PRKG1: variants seen among roughly 807,000 people sequenced by gnomAD.
PRKG1 encodes the protein protein kinase cGMP-dependent 1, also known as cGMP-dependent protein kinase 1.
A neutral mutation model predicts 88.1 loss-of-function variants in PRKG1; 35 were observed. That is an observed-to-expected ratio of 0.40 (90% confidence interval 0.30 to 0.53). PRKG1 has a LOEUF of 0.53. Ranked by LOEUF, PRKG1 falls within the 20% of genes least tolerant of loss-of-function variation. The pLI is 0.59. For missense variants in PRKG1, 540 were observed against 839.8 expected, an observed-to-expected ratio of 0.64 and a Z score of 4.41; for synonymous variants, 303 against 292.5, an observed-to-expected ratio of 1.04 and a Z score of -0.37.
intron 4 of PRKG1, among the ~76,000 whole-genome samples, chr10:51,900,085 C>T (rs190088903): frequency 7.9e-4 from 120 of 152,206 alleles, no homozygotes; most frequent in African/African-American, 2.7e-3. Flanking sequence ...AATCATTAGC[C>T]CATAGAAACT....
chr10:51,501,253 T>C (rs1841016036), intron 3 of PRKG1, among the ~76,000 whole-genome samples: 1 of 152,182 alleles, frequency 6.6e-6, no homozygotes, highest in Admixed American at 6.6e-5. Flanking sequence ...GAATTATTTC[T>C]AGTCTTTAAA....
intron 2 of PRKG1, among the ~76,000 whole-genome samples, chr10:51,242,103 A>G (rs905614323): frequency 1.3e-5 from 2 of 152,176 alleles, no homozygotes; most frequent in Non-Finnish European, 2.9e-5. Flanking sequence ...TGAGGAAGGC[A>G]AGGGAAGTCG....
At chr10:51,710,901 G>A (rs1402837051) in intron 3 of PRKG1, among the ~76,000 whole-genome samples, 1 of 152,098 alleles carries the variant, frequency 6.6e-6, no homozygotes, top group Non-Finnish European at 1.5e-5. Flanking sequence ...GTCTCCCTAT[G>A]TTAGCCAGGG....
At chr10:51,852,589 G>C (rs1275765955) in intron 4 of PRKG1, among the ~76,000 whole-genome samples, 2 of 152,088 alleles carry the variant, frequency 1.3e-5, no homozygotes, top group Non-Finnish European at 2.9e-5. Context: ...ACTCCAGTCT[G>C]TCTGATCCAA....
At chr10:51,251,068 A>G (rs1839415848) in intron 2 of PRKG1, among the ~76,000 whole-genome samples, 1 of 151,796 alleles carries the variant, frequency 6.6e-6, no homozygotes, top group South Asian at 2.1e-4. Flanking sequence ...AATAAGGGAT[A>G]GTTTTTCTGA....
chr10:51,210,202 C>T (rs1838175880), intron 2 of PRKG1, among the ~76,000 whole-genome samples: 2 of 152,294 alleles, frequency 1.3e-5, no homozygotes, highest in African/African-American at 4.8e-5. Flanking sequence ...GAACAACCTG[C>T]TCCTGAATGA....
chr10:51,746,369 T>TC (rs1350448951), intron 3 of PRKG1, among the ~76,000 whole-genome samples: 11 of 151,788 alleles, frequency 7.2e-5, no homozygotes, highest in African/African-American at 2.4e-4. Context: ...TGGGCCATTC[T>TC]CACCTCTATC....
At chr10:51,975,035 G>T (rs937869660) in intron 5 of PRKG1, among the ~76,000 whole-genome samples, 1 of 152,002 alleles carries the variant, frequency 6.6e-6, no homozygotes, top group African/African-American at 2.4e-5. Flanking sequence ...TATCTGGTAG[G>T]GAGTGGTTTT....
At chr10:51,162,306 A>G (rs1255715104) in intron 2 of PRKG1, among the ~76,000 whole-genome samples, 2 of 151,480 alleles carry the variant, frequency 1.3e-5, no homozygotes, top group Non-Finnish European at 2.9e-5. Flanking sequence ...CCATGTCTCC[A>G]CATTTGAGAA....
intron 5 of PRKG1, among the ~76,000 whole-genome samples, chr10:51,961,355 C>A (rs1843443703): frequency 1.3e-5 from 2 of 151,668 alleles, no homozygotes; most frequent in African/African-American, 4.9e-5. Flanking sequence ...AATGAGGAAC[C>A]TGCAGATGTG....
intron 7 of PRKG1, among the ~76,000 whole-genome samples, chr10:52,105,133 G>A (rs888601978): frequency 1.1e-4 from 17 of 151,760 alleles, no homozygotes; most frequent in African/African-American, 3.4e-4. Flanking sequence ...AGAACTTACC[G>A]AATTTATGTG....
At chr10:52,243,034 A>G (rs1840908967) in intron 9 of PRKG1, among the ~76,000 whole-genome samples, 1 of 152,212 alleles carries the variant, frequency 6.6e-6, no homozygotes, top group Non-Finnish European at 1.5e-5. Flanking sequence ...TAAAGCTGAC[A>G]ATGGGTAGTA....
chr10:51,153,091 G>GT, intron 1 of PRKG1, 73 bp from the exon 2 acceptor site: 2 of 1,384,518 alleles, frequency 1.4e-6, no homozygotes, highest in South Asian at 2.8e-5. Context: ...AGCACTCTAT[G>GT]GCGCTGCTAA....
At chr10:52,271,567 T>TAA (rs1841731459) in intron 11 of PRKG1, 78 bp downstream of exon 11, 1 of 1,514,658 alleles carries the variant, frequency 6.6e-7, no homozygotes, top group African/African-American at 1.4e-5. Flanking sequence ...CCACTTGTGC[T>TAA]CACTGTTAAC....
intron 1 of PRKG1, among the ~76,000 whole-genome samples, chr10:51,050,642 A>G (rs930443465): frequency 5.9e-5 from 9 of 152,172 alleles, no homozygotes. Flanking sequence ...CATCTCTTTG[A>G]GATCCTGATT....
rs1589214660 is a variant in PRKG1 at position 51,167,233 on chromosome 10, T to A, written c.478+13903T>A. 2.0e-5 allele frequency among the ~76,000 whole-genome samples: 3 copies of A among 152,186 alleles called. No individual in the cohort carries two copies. The East Asian group carries it at 5.8e-4, about 29-fold the overall frequency. On this transcript the variant is annotated intron_variant, in intron 2 of 17. Coordinates refer to ENST00000373980, the MANE Select transcript of PRKG1 (RefSeq NM_006258.4). ...AATGACTGTGTGGGTCAGGGTAGACTTCCCTGGGAGGGTAGCATTTGAGTT... is the reference window on the plus strand; with the variant it reads ...AATGACTGTGTGGGTCAGGGTAGACATCCCTGGGAGGGTAGCATTTGAGTT...
At chr10:51,145,207 A>G (rs1845915187) in intron 1 of PRKG1, among the ~76,000 whole-genome samples, 1 of 152,186 alleles carries the variant, frequency 6.6e-6, no homozygotes, top group South Asian at 2.1e-4. Flanking sequence ...CAGGGTGGTG[A>G]GGAACTTGTT....
intron 1 of PRKG1, among the ~76,000 whole-genome samples, chr10:51,002,850 G>C (rs1230633956): frequency 6.6e-6 from 1 of 152,064 alleles, no homozygotes; most frequent in Non-Finnish European, 1.5e-5. Context: ...GCTATTCCTT[G>C]GCCTCTTTAA....
At chr10:51,248,655 A>G (rs749303516) in intron 2 of PRKG1, among the ~76,000 whole-genome samples, 5 of 151,944 alleles carry the variant, frequency 3.3e-5, no homozygotes, top group Middle Eastern at 3.4e-3. Flanking sequence ...ACTTTATTGA[A>G]CTGCATTTAT....
Sources: gnomAD v4.1 joint callset for allele counts (sites outside exome capture counted in the v4.1 genomes callset) on GRCh38, gnomAD v4.1.1 for gene constraint, MANE v1.5 for transcripts, NCBI Gene and HGNC (gene_info 2026-07-23, HGNC 2026-07-21) for gene names.